Variants in PHACTR1 observed in about 807,000 individuals in gnomAD.
The protein encoded by PHACTR1 is RPEL repeat containing 1.
Under a neutral mutation model 69.2 loss-of-function variants are expected in PHACTR1, and 16 were observed. The ratio of observed to expected loss-of-function variants is 0.23; its 90% CI spans 0.16 to 0.35. PHACTR1 has a LOEUF of 0.35. Among genes scored for constraint, PHACTR1 ranks in the 10% least tolerant of loss-of-function variants. The pLI is 1.00. For missense variants in PHACTR1, 510 were observed against 734.7 expected, an observed-to-expected ratio of 0.69 and a Z score of 3.54; for synonymous variants, 312 against 284.5, an observed-to-expected ratio of 1.10 and a Z score of -0.97.
intron 4 of PHACTR1, among the ~76,000 whole-genome samples, chr6:12,849,345 G>T (rs1290029454): frequency 6.6e-6 from 1 of 152,144 alleles, no homozygotes; most frequent in Admixed American, 6.5e-5. Flanking sequence ...TCGTTTCCTT[G>T]TATGAACACA....
intron 4 of PHACTR1, among the ~76,000 whole-genome samples, chr6:12,796,886 T>C (rs1773066503): frequency 6.6e-6 from 1 of 152,134 alleles, no homozygotes; most frequent in South Asian, 2.1e-4. Flanking sequence ...TATTATCGCC[T>C]CCATTTTACA....
chr6:13,139,703 C>A (rs1822130896), intron 5 of PHACTR1, among the ~76,000 whole-genome samples: 2 of 152,126 alleles, frequency 1.3e-5, no homozygotes, highest in South Asian at 2.1e-4. Flanking sequence ...TCATCACACA[C>A]AACAGAGGAA....
intron 4 of PHACTR1, among the ~76,000 whole-genome samples, chr6:12,830,047 A>AG (rs1777279266): frequency 7.3e-6 from 1 of 137,736 alleles, no homozygotes; most frequent in Non-Finnish European, 1.6e-5. Context: ...AAGAAAAGAA[A>AG]GAAGGAAGGA....
chr6:12,804,516 A>G (rs550078210), intron 4 of PHACTR1, among the ~76,000 whole-genome samples: 15 of 152,210 alleles, frequency 9.9e-5, no homozygotes, highest in Admixed American at 2.0e-4. Flanking sequence ...ACATTTTCTT[A>G]TAGGGATTTT....
intron 4 of PHACTR1, among the ~76,000 whole-genome samples, chr6:12,761,758 T>G (rs1052912611): frequency 6.6e-6 from 1 of 152,204 alleles, no homozygotes; most frequent in Non-Finnish European, 1.5e-5. Context: ...TTTCCCCAAC[T>G]GAATGCCCTA....
At chr6:12,958,385 G>A (rs1413340729) in intron 4 of PHACTR1, among the ~76,000 whole-genome samples, 1 of 152,210 alleles carries the variant, frequency 6.6e-6, no homozygotes, top group African/African-American at 2.4e-5. Flanking sequence ...TAAAGAGACA[G>A]GAAAGGAAAA....
rs115212609 is a variant in PHACTR1, at chr6:13,092,376, G to A, written c.415+38847G>A. Among the ~76,000 whole-genome samples the A allele has an allele frequency of 9.3e-3, 1,413 of 152,232 alleles. 22 individuals are homozygous for A. Among genetic ancestry groups the A allele is most frequent in the African/African-American group, 0.032 (1,326 of 41,530 alleles). The stretch of plus-strand genomic sequence containing the variant: ...GAACAGTTGTCATTTACTAAGTCCT[G>A]TGCTGGGTACTAAAAATATAGAGGT... On this transcript the variant is annotated intron_variant, in intron 5 of 14. Transcript: ENST00000332995.
intron 4 of PHACTR1, among the ~76,000 whole-genome samples, chr6:12,809,079 A>C (rs1161399514): frequency 9.9e-5 from 15 of 151,614 alleles, no homozygotes; most frequent in Admixed American, 9.9e-4. Flanking sequence ...GTAGAGATGG[A>C]GTTACCCCAT....
At position 13,134,024 on chromosome 6, in the gene PHACTR1, A is replaced by G. The variant is rs541559774; in HGVS notation, c.416-26180A>G. ...AACTGAAGAGTGTCTCTGCCCGACCACCACCCCATCTGGTAGGTGAGGAGT... is the reference window on the plus strand; with the variant it reads ...AACTGAAGAGTGTCTCTGCCCGACCGCCACCCCATCTGGTAGGTGAGGAGT... On this transcript the variant is annotated intron_variant, in intron 5 of 14. Transcript: ENST00000332995. Among the ~76,000 whole-genome samples the G allele has an allele frequency of 4.4e-3, 642 of 145,770 alleles. 5 individuals carry two copies. The highest frequency in any genetic ancestry group is 7.9e-3 in the Non-Finnish European group (528 of 66,708).
chr6:12,979,637 T>G (rs531299539), intron 4 of PHACTR1, among the ~76,000 whole-genome samples: 14 of 152,156 alleles, frequency 9.2e-5, no homozygotes, highest in Non-Finnish European at 2.1e-4. Flanking sequence ...CACACAGGCA[T>G]TATTGTTTAG....
chr6:13,026,219 T>G (rs1485662091), intron 4 of PHACTR1, among the ~76,000 whole-genome samples: 2 of 152,010 alleles, frequency 1.3e-5, no homozygotes, highest in Non-Finnish European at 2.9e-5. Context: ...AATCTAAGAG[T>G]GCAATTCCTG....
In PHACTR1 at chr6:13,081,698, G is replaced by A. The variant is rs981135078; in HGVS notation, c.415+28169G>A. On this transcript the variant is annotated intron_variant, in intron 5 of 14. Coordinates refer to ENST00000332995, the MANE Select transcript of PHACTR1 (RefSeq NM_030948.6). ...ATTAATTAGCCAGGTGTGCAGATGT[G>A]CACCTGTAATCCCAGCCACTTGGGA... is the stretch of plus-strand genomic sequence containing the variant. Among the ~76,000 whole-genome samples, 7 of 152,074 alleles carry A rather than the reference G, an allele frequency of 4.6e-5. No individual in the cohort carries two copies. The East Asian group carries it at 1.2e-3, about 25-fold the overall frequency.
At chr6:12,948,143 T>G (rs1790879941) in intron 4 of PHACTR1, among the ~76,000 whole-genome samples, 1 of 152,198 alleles carries the variant, frequency 6.6e-6, no homozygotes, top group Admixed American at 6.5e-5. Context: ...CAAAACAGAC[T>G]TCCTGTTCTA....
chr6:12,730,858 T>C (rs1763415425), intron 3 of PHACTR1, among the ~76,000 whole-genome samples: 1 of 152,326 alleles, frequency 6.6e-6, no homozygotes, highest in East Asian at 1.9e-4. Context: ...TTGGTATTTG[T>C]TGCTGCATTA....
Position 12,784,246 on chromosome 6 carries a change from A to G in PHACTR1, c.250+34456A>G, listed in dbSNP as rs187544188. On this transcript the variant is annotated intron_variant, in intron 4 of 14. Transcript: ENST00000332995. The stretch of plus-strand genomic sequence containing the variant: ...ATGATATATACATATACTCATACAT[A>G]TATATCTTTACACACTCACAGATAC... 9.2e-5 allele frequency among the ~76,000 whole-genome samples: 14 copies of G among 152,086 alleles called. No individual in the cohort carries two copies. The East Asian group carries it at 2.5e-3, about 27-fold the overall frequency.
chr6:12,735,688 A>T (rs113636315), intron 3 of PHACTR1, among the ~76,000 whole-genome samples: 9 of 152,226 alleles, frequency 5.9e-5, no homozygotes, highest in Non-Finnish European at 8.8e-5. Context: ...CTAGGTATTC[A>T]CACTTTAAAG....
intron 4 of PHACTR1, among the ~76,000 whole-genome samples, chr6:12,870,042 C>T (rs1019750073): frequency 2.0e-5 from 3 of 151,834 alleles, no homozygotes; most frequent in Admixed American, 1.3e-4. Context: ...AACAAGCCCT[C>T]ATACATTTTA....
At chr6:13,064,104 C>T (rs866122857) in intron 5 of PHACTR1, among the ~76,000 whole-genome samples, 1 of 152,122 alleles carries the variant, frequency 6.6e-6, no homozygotes, top group Non-Finnish European at 1.5e-5. Context: ...TCATTCCTAT[C>T]ACATCAAATG....
chr6:13,089,500 T>G (rs1031683069), intron 5 of PHACTR1, among the ~76,000 whole-genome samples: 1 of 152,216 alleles, frequency 6.6e-6, no homozygotes, highest in African/African-American at 2.4e-5. Context: ...GGATTCTGAC[T>G]CAATATGCTA....
Sources: allele counts gnomAD v4.1 joint callset (sites outside exome capture counted in the v4.1 genomes callset), GRCh38; gene constraint gnomAD v4.1.1; transcripts MANE v1.5; gene names NCBI Gene and HGNC (gene_info 2026-07-23, HGNC 2026-07-21).